SOX5: variants seen among roughly 807,000 people sequenced by gnomAD.
SOX5 encodes transcription factor SOX-5.
A neutral mutation model predicts 92.0 loss-of-function variants in SOX5; 9 were observed. The ratio of observed to expected loss-of-function variants is 0.10; its 90% CI spans 0.06 to 0.17. The LOEUF is 0.17. Ranked by LOEUF, SOX5 falls within the 10% of genes least tolerant of loss-of-function variation. SOX5 has a pLI of 1.00. For missense variants in SOX5, 642 were observed against 944.5 expected (o/e 0.68, Z 4.20); for synonymous variants, 344 against 336.3 (o/e 1.02, Z -0.25).
chr12:23,930,419 T>C lies in SOX5; in HGVS notation c.38+19145A>G, dbSNP rs188352862. On this transcript the variant is annotated intron_variant, in intron 1 of 14. Coordinates refer to ENST00000451604, the MANE Select transcript of SOX5 (RefSeq NM_006940.6). ...CTCAAGTAAACCTACAAAAGAAAGC[T>C]CTGTATATATTTATAGAGGGAGGAG... is the stretch of plus-strand genomic sequence containing the variant. Among the ~76,000 whole-genome samples the C allele has an allele frequency of 1.9e-3, 281 of 151,818 alleles. 1 individual carries two copies. The highest frequency in any genetic ancestry group is 2.8e-4 in the Non-Finnish European group (19 of 67,796).
intron 3 of SOX5, among the ~76,000 whole-genome samples, chr12:23,842,549 T>C (rs1024392476): frequency 6.6e-6 from 1 of 152,140 alleles, no homozygotes; most frequent in Non-Finnish European, 1.5e-5. Flanking sequence ...TCTAATATTC[T>C]CCAATAAAAG....
In SOX5 at chr12:23,804,287, C is replaced by A. The variant is rs190506581; in HGVS notation, c.481+41696G>T. Among the ~76,000 whole-genome samples, 6 of 152,162 alleles carry A rather than the reference C, an allele frequency of 3.9e-5. No homozygotes were observed. The East Asian group carries it at 1.2e-3, about 29-fold the overall frequency. On this transcript the variant is annotated intron_variant, in intron 3 of 14. Coordinates refer to ENST00000451604, the MANE Select transcript of SOX5 (RefSeq NM_006940.6). ...GTTAACTGATCACACTATAGTATCT[C>A]CAATCTGAAATTCCATTTAAATAGA... is the stretch of plus-strand genomic sequence containing the variant.
chr12:24,189,585 T>A lies in SOX5; in HGVS notation c.-2+23758A>T, dbSNP rs558336684. Among the ~76,000 whole-genome samples, 266 of 152,302 alleles carry A rather than the reference T, an allele frequency of 1.7e-3. 3 individuals carry two copies. The Middle Eastern group carries it at 0.027, about 16-fold the overall frequency. On this transcript the variant is annotated intron_variant, in intron 4 of 4. Coordinates refer to the SOX5 transcript ENST00000446891. ...CAATTATTTCTCAGTGGAAGTTTGATACTGCCTTCAAAATGAGATCTTTGT... is the reference window on the plus strand; with the variant it reads ...CAATTATTTCTCAGTGGAAGTTTGAAACTGCCTTCAAAATGAGATCTTTGT...
chr12:24,168,981 T>G (rs1175809512), intron 4 of SOX5, among the ~76,000 whole-genome samples: 2 of 151,882 alleles, frequency 1.3e-5, no homozygotes, highest in African/African-American at 4.8e-5. Flanking sequence ...AAAAAAATAA[T>G]AATAAGATAG....
At chr12:23,633,775 C>T (rs952939567) in intron 8 of SOX5, among the ~76,000 whole-genome samples, 3 of 152,036 alleles carry the variant, frequency 2.0e-5, no homozygotes, top group African/African-American at 7.2e-5. Context: ...AATAAAAGTA[C>T]CTCCAGTAGT....
intron 3 of SOX5, among the ~76,000 whole-genome samples, chr12:23,779,808 T>TAC (rs1230420618): frequency 2.9e-5 from 3 of 104,962 alleles, no homozygotes; most frequent in African/African-American, 1.3e-4. Context: ...TATATATATA[T>TAC]ATATATACAC....
At chr12:24,018,705 G>A (rs1248127989) in intron 4 of SOX5, among the ~76,000 whole-genome samples, 7 of 152,132 alleles carry the variant, frequency 4.6e-5, no homozygotes, top group Non-Finnish European at 7.4e-5. Flanking sequence ...ACTGAGGCAG[G>A]AGAATCGCTT....
chr12:24,199,346 G>C (rs569895629), intron 4 of SOX5, among the ~76,000 whole-genome samples: 18 of 152,288 alleles, frequency 1.2e-4, no homozygotes, highest in Admixed American at 9.2e-4. Context: ...CCAAAATGTC[G>C]CAGTAATTAC....
chr12:24,281,251 A>C (rs937331874), intron 2 of SOX5, among the ~76,000 whole-genome samples: 4 of 151,800 alleles, frequency 2.6e-5, no homozygotes, highest in Non-Finnish European at 5.9e-5. Context: ...AAAAAAAAAA[A>C]AAAAAACTGT....
At chr12:24,469,346 A>G (rs1944551770) in intron 1 of SOX5, among the ~76,000 whole-genome samples, 2 of 152,158 alleles carry the variant, frequency 1.3e-5, no homozygotes, top group Admixed American at 1.3e-4. Flanking sequence ...CAGACCACGG[A>G]CCAGTACCGG....
chr12:24,369,678 C>T (rs1956527059), intron 1 of SOX5, among the ~76,000 whole-genome samples: 1 of 152,192 alleles, frequency 6.6e-6, no homozygotes. Context: ...GCTTTCAATG[C>T]ATTCTGAGTC....
rs537098269 is a variant in SOX5, at chr12:23,719,569, G to A, written c.810+15115C>T. On this transcript the variant is annotated intron_variant, in intron 6 of 14. Coordinates refer to ENST00000451604, the MANE Select transcript of SOX5 (RefSeq NM_006940.6). ...GAGACCAGCCTGGGCAACATAGGGA[G>A]GGTCCCCCCATCTCTACAAAACATA... Among the ~76,000 whole-genome samples, 5 of 152,006 alleles carry A rather than the reference G, an allele frequency of 3.3e-5. No homozygotes were observed. In the East Asian group the frequency reaches 9.7e-4, roughly 29 times the overall value.
intron 4 of SOX5, among the ~76,000 whole-genome samples, chr12:24,203,793 A>G (rs1957760049): frequency 6.6e-6 from 1 of 152,210 alleles, no homozygotes; most frequent in Admixed American, 6.5e-5. Flanking sequence ...ATAAACGCCA[A>G]TTACTGTTTG....
intron 4 of SOX5, among the ~76,000 whole-genome samples, chr12:23,994,900 T>G (rs1258166320): frequency 1.3e-5 from 2 of 152,328 alleles, no homozygotes; most frequent in East Asian, 3.9e-4. Context: ...GGCCATAATT[T>G]GATAGACAAA....
At chr12:24,328,984 T>C (rs867679151) in intron 2 of SOX5, among the ~76,000 whole-genome samples, 12 of 152,354 alleles carry the variant, frequency 7.9e-5, no homozygotes, top group Middle Eastern at 3.4e-3. Flanking sequence ...TTACATTTTA[T>C]TTCCCAAGAA....
chr12:23,627,364 T>C (rs573669584), intron 8 of SOX5, among the ~76,000 whole-genome samples: 5 of 152,282 alleles, frequency 3.3e-5, no homozygotes, highest in South Asian at 4.1e-4. Flanking sequence ...ATATGAGGAC[T>C]TGGCTTCCAA....
At chr12:24,187,340 A>G (rs1422981832) in intron 4 of SOX5, among the ~76,000 whole-genome samples, 2 of 152,220 alleles carry the variant, frequency 1.3e-5, no homozygotes, top group East Asian at 1.9e-4. Flanking sequence ...TGCAAGTATC[A>G]TATCTCTTGC....
chr12:23,752,014 G>C (rs2094196491), intron 4 of SOX5, among the ~76,000 whole-genome samples: 1 of 151,092 alleles, frequency 6.6e-6, no homozygotes, highest in African/African-American at 2.4e-5. Context: ...GTTAAAAACA[G>C]ATTCAACAGT....
chr12:23,791,114 A>C (rs545958771), intron 3 of SOX5, among the ~76,000 whole-genome samples: 24 of 152,320 alleles, frequency 1.6e-4, no homozygotes, highest in African/African-American at 4.8e-4. Context: ...TTAATTACAC[A>C]GAGGCAGCTT....
Sources: gnomAD v4.1 joint callset for allele counts (sites outside exome capture counted in the v4.1 genomes callset) on GRCh38, gnomAD v4.1.1 for gene constraint, MANE v1.5 for transcripts, NCBI Gene and HGNC (gene_info 2026-07-23, HGNC 2026-07-21) for gene names.